ADK: variants seen among roughly 807,000 people sequenced by gnomAD.
ADK encodes the protein N6,N6-dimethyladenosine kinase.
Under a neutral mutation model 44.7 loss-of-function variants are expected in ADK, and 24 were observed. That is an observed-to-expected ratio of 0.54 (90% CI 0.39 to 0.76). ADK has a LOEUF of 0.76. Among genes scored for constraint, ADK ranks in the 30% least tolerant of loss-of-function variants. ADK has a pLI of 0.00. For synonymous variants in ADK, 128 were observed against 142.6 expected (o/e 0.90, Z 0.73); for missense variants, 321 against 425.1 (o/e 0.76, Z 2.15).
At chr10:74,505,234 T>G (rs999204794) in intron 6 of ADK, among the ~76,000 whole-genome samples, 3 of 152,210 alleles carry the variant, frequency 2.0e-5, no homozygotes, top group Non-Finnish European at 4.4e-5. Flanking sequence ...GCACCTATCC[T>G]TCCACCTTTT....
At chr10:74,323,724 C>T (rs1840899204) in intron 4 of ADK, among the ~76,000 whole-genome samples, 1 of 152,032 alleles carries the variant, frequency 6.6e-6, no homozygotes, top group Admixed American at 6.5e-5. Flanking sequence ...GCACCCGCCA[C>T]TGCACCCGGC....
At chr10:74,683,634 A>T (rs950774299) in intron 10 of ADK, among the ~76,000 whole-genome samples, 2 of 152,228 alleles carry the variant, frequency 1.3e-5, no homozygotes, top group Admixed American at 1.3e-4. Context: ...AATACCAAGT[A>T]TTTATATCAA....
chr10:74,168,858 G>A (rs561619580), intron 1 of ADK, among the ~76,000 whole-genome samples: 46 of 151,712 alleles, frequency 3.0e-4, no homozygotes, highest in African/African-American at 9.2e-4. Flanking sequence ...TGATCCTCCC[G>A]CCTTGTCCTT....
At chr10:74,690,263 G>A (rs972214466) in intron 10 of ADK, among the ~76,000 whole-genome samples, 1 of 152,242 alleles carries the variant, frequency 6.6e-6, no homozygotes, top group African/African-American at 2.4e-5. Flanking sequence ...GGGAAGCTGA[G>A]ATGGGTGGAT....
intron 6 of ADK, among the ~76,000 whole-genome samples, chr10:74,431,431 G>C (rs1260823783): frequency 1.3e-5 from 2 of 152,158 alleles, no homozygotes; most frequent in African/African-American, 2.4e-5. Flanking sequence ...AAGGGGACTT[G>C]AATAAATCAG....
chr10:74,408,154 A>ATTT (rs146437712), intron 6 of ADK, among the ~76,000 whole-genome samples: 1 of 103,886 alleles, frequency 9.6e-6, no homozygotes, highest in African/African-American at 3.4e-5. Flanking sequence ...TGAGTTTTGT[A>ATTT]TTTTTTTTTT....
chr10:74,659,274 G>C (rs2134162730), intron 9 of ADK, among the ~76,000 whole-genome samples: 1 of 152,286 alleles, frequency 6.6e-6, no homozygotes, highest in Non-Finnish European at 1.5e-5. Flanking sequence ...TAAGGTTTTA[G>C]AGCAGTAATT....
chr10:74,430,847 TAG>T (rs1027360656), intron 6 of ADK, among the ~76,000 whole-genome samples: 1 of 151,618 alleles, frequency 6.6e-6, no homozygotes, highest in African/African-American at 2.4e-5. Flanking sequence ...GAAATATGCC[TAG>T]AGTGTTTGAG....
At chr10:74,301,125 T>G (rs1564641497) in intron 3 of ADK, among the ~76,000 whole-genome samples, 1 of 152,208 alleles carries the variant, frequency 6.6e-6, no homozygotes, top group Non-Finnish European at 1.5e-5. Flanking sequence ...TATTTGGGAG[T>G]ATCTATTTGT....
chr10:74,383,148 A>C (rs1843028754), intron 4 of ADK, among the ~76,000 whole-genome samples: 1 of 152,126 alleles, frequency 6.6e-6, no homozygotes, highest in Admixed American at 6.6e-5. Context: ...AATAATAATA[A>C]TTAAAATTTA....
chr10:74,678,737 T>G (rs1855496178), intron 10 of ADK, among the ~76,000 whole-genome samples: 1 of 152,198 alleles, frequency 6.6e-6, no homozygotes, highest in Admixed American at 6.5e-5. Context: ...CCACAGGAAA[T>G]GTAGTAAGTA....
intron 7 of ADK, among the ~76,000 whole-genome samples, chr10:74,540,434 A>C (rs568815402): frequency 1.3e-5 from 2 of 152,008 alleles, no homozygotes; most frequent in African/African-American, 4.8e-5. Flanking sequence ...TATTAAATAT[A>C]TATTTAATGT....
intron 6 of ADK, among the ~76,000 whole-genome samples, chr10:74,509,193 A>C (rs59639969): frequency 1.3e-5 from 2 of 151,372 alleles, no homozygotes; most frequent in East Asian, 3.9e-4. Flanking sequence ...GGAATACATT[A>C]TGATTTTTTT....
intron 3 of ADK, among the ~76,000 whole-genome samples, chr10:74,275,927 CACT>C (rs879729295): frequency 2.0e-5 from 3 of 152,146 alleles, no homozygotes; most frequent in Admixed American, 6.5e-5. Flanking sequence ...AGGCATGAAC[CACT>C]GTACCCAGCC....
intron 6 of ADK, among the ~76,000 whole-genome samples, chr10:74,447,689 T>G (rs1845632818): frequency 6.6e-6 from 1 of 152,150 alleles, no homozygotes; most frequent in African/African-American, 2.4e-5. Flanking sequence ...TATCTTAGTT[T>G]TCTCATCTGT....
intron 4 of ADK, among the ~76,000 whole-genome samples, chr10:74,321,772 G>T (rs1297102665): frequency 6.6e-6 from 1 of 152,010 alleles, no homozygotes; most frequent in Non-Finnish European, 1.5e-5. Flanking sequence ...ACATCTCGGG[G>T]CATGCTTTTA....
chr10:74,400,116 A>G (rs996272833), intron 6 of ADK, among the ~76,000 whole-genome samples: 1 of 152,096 alleles, frequency 6.6e-6, no homozygotes, highest in Non-Finnish European at 1.5e-5. Flanking sequence ...CTTACGTGCA[A>G]TTTTGTACAG....
intron 4 of ADK, among the ~76,000 whole-genome samples, chr10:74,351,671 A>G (rs746053511): frequency 6.6e-6 from 1 of 152,166 alleles, no homozygotes; most frequent in African/African-American, 2.4e-5. Flanking sequence ...AGAAAACCCC[A>G]TCGTCTCAGC....
intron 9 of ADK, among the ~76,000 whole-genome samples, chr10:74,650,564 T>TG (rs1471118574): frequency 2.0e-5 from 3 of 152,178 alleles, no homozygotes; most frequent in Non-Finnish European, 4.4e-5. Context: ...TTTATTTCTT[T>TG]GGGGTACTAC....
Sources: gnomAD v4.1 joint callset for allele counts (sites outside exome capture counted in the v4.1 genomes callset) on GRCh38, gnomAD v4.1.1 for gene constraint, MANE v1.5 for transcripts, NCBI Gene and HGNC (gene_info 2026-07-23, HGNC 2026-07-21) for gene names.